Variants in TNS3 observed in about 807,000 individuals in gnomAD.
The protein encoded by TNS3 is tensin-3.
Under a neutral mutation model 140.9 loss-of-function variants are expected in TNS3, and 45 were observed. That is an observed-to-expected ratio of 0.32 (90% CI 0.25 to 0.41). The LOEUF is 0.41. TNS3 is among the 10% of genes least tolerant of loss of function. The pLI is 1.00. For synonymous variants in TNS3, 815 were observed against 788.4 expected, an observed-to-expected ratio of 1.03 and a Z score of -0.56; for missense variants, 1,716 against 1,906.7, an observed-to-expected ratio of 0.90 and a Z score of 1.86.
intron 16 of TNS3, among the ~76,000 whole-genome samples, chr7:47,374,236 G>A (rs1051494411): frequency 6.6e-6 from 1 of 152,222 alleles, no homozygotes; most frequent in African/African-American, 2.4e-5. Context: ...TGGCCACAGT[G>A]TGCTTGGAAC....
intron 3 of TNS3, among the ~76,000 whole-genome samples, chr7:47,499,062 G>A (rs1240038992): frequency 6.6e-6 from 1 of 152,220 alleles, no homozygotes; most frequent in Non-Finnish European, 1.5e-5. Context: ...GATTACTAGG[G>A]ATTTAGAAAC....
intron 1 of TNS3, among the ~76,000 whole-genome samples, chr7:47,557,827 A>G (rs1336444224): frequency 6.6e-6 from 1 of 152,136 alleles, no homozygotes; most frequent in Non-Finnish European, 1.5e-5. Flanking sequence ...TCCACACCAC[A>G]TGCCATGAAC....
At chr7:47,281,640 C>T (rs558906113) in intron 28 of TNS3, among the ~76,000 whole-genome samples, 33 of 152,290 alleles carry the variant, frequency 2.2e-4, no homozygotes, top group African/African-American at 6.3e-4. Context: ...TGAACTCAAA[C>T]GCTATCTCTT....
intron 13 of TNS3, among the ~76,000 whole-genome samples, chr7:47,410,507 C>T (rs1457389114): frequency 6.6e-6 from 1 of 152,174 alleles, no homozygotes; most frequent in Non-Finnish European, 1.5e-5. Flanking sequence ...CCTGGAGGCC[C>T]CAGAGGGACC....
chr7:47,572,620 A>G (rs1164788408), intron 1 of TNS3, among the ~76,000 whole-genome samples: 1 of 152,178 alleles, frequency 6.6e-6, no homozygotes, highest in African/African-American at 2.4e-5. Flanking sequence ...TAAGGCCTGT[A>G]ATCCCAGCAC....
chr7:47,388,362 A>G (rs1195034097), intron 16 of TNS3, among the ~76,000 whole-genome samples: 1 of 152,188 alleles, frequency 6.6e-6, no homozygotes, highest in Non-Finnish European at 1.5e-5. Context: ...ATCCACCAAC[A>G]GAAGAACAGT....
chr7:47,442,805 C>A (rs1397005927), intron 4 of TNS3, among the ~76,000 whole-genome samples: 3 of 152,162 alleles, frequency 2.0e-5, no homozygotes, highest in African/African-American at 7.2e-5. Context: ...GTTGGGGGGA[C>A]ACAGAGCCTC....
chr7:47,491,180 A>T (rs768987769), intron 3 of TNS3, among the ~76,000 whole-genome samples: 1 of 152,196 alleles, frequency 6.6e-6, no homozygotes, highest in African/African-American at 2.4e-5. Flanking sequence ...GCGATTCACC[A>T]AAAAATGCAT....
chr7:47,443,395 T>C (rs1198912814), intron 4 of TNS3, among the ~76,000 whole-genome samples: 1 of 151,916 alleles, frequency 6.6e-6, no homozygotes, highest in Non-Finnish European at 1.5e-5. Flanking sequence ...CACCCCCTGC[T>C]CATCCCCTAT....
chr7:47,575,721 G>C (rs1375178755), intron 1 of TNS3, among the ~76,000 whole-genome samples: 1 of 151,280 alleles, frequency 6.6e-6, no homozygotes, highest in South Asian at 2.1e-4. Flanking sequence ...TACTTGGGAG[G>C]CTGAGGCAGG....
intron 1 of TNS3, among the ~76,000 whole-genome samples, chr7:47,564,022 T>C (rs1327516985): frequency 5.3e-5 from 7 of 131,834 alleles, no homozygotes. Flanking sequence ...TGAAACCCCG[T>C]CTCTACTAAA....
intron 3 of TNS3, among the ~76,000 whole-genome samples, chr7:47,482,035 C>T (rs570020196): frequency 3.3e-5 from 5 of 152,320 alleles, no homozygotes; most frequent in East Asian, 3.9e-4. Context: ...GCAGGCATTG[C>T]GCTGCTCTGG....
chr7:47,321,021 A>G (rs1332620442), intron 20 of TNS3, among the ~76,000 whole-genome samples: 12 of 152,186 alleles, frequency 7.9e-5, no homozygotes, highest in Admixed American at 7.9e-4. Context: ...GACCACACAG[A>G]CTTTCTAATG....
intron 10 of TNS3, among the ~76,000 whole-genome samples, chr7:47,423,537 G>A (rs1470649641): frequency 6.6e-6 from 1 of 152,258 alleles, no homozygotes; most frequent in Non-Finnish European, 1.5e-5. Flanking sequence ...CAGCATGACA[G>A]AAAAATACTC....
intron 20 of TNS3, among the ~76,000 whole-genome samples, chr7:47,340,901 T>C (rs1424375727): frequency 2.8e-4 from 43 of 152,232 alleles, no homozygotes; most frequent in Non-Finnish European, 1.5e-5. Context: ...TTTTGTAAGG[T>C]TGAAGGAGTA....
At chr7:47,443,565 G>A (rs1179718261) in intron 4 of TNS3, among the ~76,000 whole-genome samples, 1 of 152,162 alleles carries the variant, frequency 6.6e-6, no homozygotes, top group Non-Finnish European at 1.5e-5. Context: ...ATTTTTTAAA[G>A]TTTTGATGAA....
At chr7:47,406,798 C>A (rs892755777) in intron 13 of TNS3, among the ~76,000 whole-genome samples, 1 of 152,222 alleles carries the variant, frequency 6.6e-6, no homozygotes, top group Non-Finnish European at 1.5e-5. Context: ...GTAACTTCTT[C>A]CCCCACTACA....
chr7:47,361,502 TGGG>T lies in TNS3; in HGVS notation c.2281+6860_2281+6862del, dbSNP rs567749885. On this transcript the variant is annotated intron_variant, in intron 17 of 30. Coordinates refer to ENST00000311160, the MANE Select transcript of TNS3 (RefSeq NM_022748.12). Reference sequence around the variant, plus strand: ...CCCCAACTCTGGAGTTGAAATGAGGTGGGACTGTCTGCCTGTCTCCACTTTGTG... The same window carrying T: ...CCCCAACTCTGGAGTTGAAATGAGGTACTGTCTGCCTGTCTCCACTTTGTG... 8.9e-3 allele frequency among the ~76,000 whole-genome samples: 1,361 copies of T among 152,240 alleles called. 4 individuals are homozygous for T. Among genetic ancestry groups the T allele is most frequent in the Non-Finnish European group, 0.015 (1,041 of 68,002 alleles).
In TNS3 at chr7:47,522,380, T is replaced by C. The variant is rs543080999; in HGVS notation, c.-153+6656A>G. ...ACACCCCCAGGCCAGCCTCACAGCC[T>C]CCACGTAACTTCCGACCCCCCAGTA... On this transcript the variant is annotated intron_variant, in intron 2 of 30. Coordinates refer to ENST00000311160, the MANE Select transcript of TNS3 (RefSeq NM_022748.12). Among the ~76,000 whole-genome samples, 7 of 152,096 alleles carry C rather than the reference T, an allele frequency of 4.6e-5. No homozygotes were observed. In the East Asian group the frequency reaches 1.2e-3, roughly 25 times the overall value.
Sources: allele counts gnomAD v4.1 joint callset (sites outside exome capture counted in the v4.1 genomes callset), GRCh38; gene constraint gnomAD v4.1.1; transcripts MANE v1.5; gene names NCBI Gene and HGNC (gene_info 2026-07-23, HGNC 2026-07-21).